The following DLGAP1 variants were observed in gnomAD, a reference collection of about 807,000 sequenced individuals.
DLGAP1 encodes DLG associated protein 1.
DLGAP1 carries 11 observed loss-of-function variants against 90.8 expected under a neutral mutation model. The ratio of observed to expected loss-of-function variants is 0.12; its 90% confidence interval spans 0.08 to 0.20. DLGAP1 has a LOEUF of 0.20. Ranked by LOEUF, DLGAP1 falls within the 10% of genes least tolerant of loss-of-function variation. DLGAP1 has a pLI of 1.00. For synonymous variants in DLGAP1, 558 were observed against 540.7 expected (o/e 1.03, Z -0.44); for missense variants, 1,050 against 1,333.8 (o/e 0.79, Z 3.31).
At chr18:3,818,664 C>T (rs931451708) in intron 4 of DLGAP1, among the ~76,000 whole-genome samples, 7 of 150,064 alleles carry the variant, frequency 4.7e-5, no homozygotes, top group African/African-American at 1.7e-4. Context: ...TGCAGTGGCA[C>T]GATCTTAGCT....
chr18:4,433,140 T>C (rs187580014), intron 1 of DLGAP1, among the ~76,000 whole-genome samples: 12 of 152,242 alleles, frequency 7.9e-5, no homozygotes, highest in African/African-American at 2.9e-4. Context: ...TATTACGCAG[T>C]CAAAATAATA....
chr18:3,499,446 G>A lies in DLGAP1; in HGVS notation c.2725-52C>T. The stretch of plus-strand genomic sequence containing the variant: ...TTACACAGCTTCTCAGGACAAGCTT[G>A]GGAAAAACTGGGATAGGTCAGTAGT... On this transcript the variant is annotated intron_variant, in intron 12 of 12. Transcript: ENST00000315677. The surrounding 1 kb of genome is among the most constrained non-coding windows in gnomAD (Gnocchi z 6.4). The A allele has an allele frequency of 6.5e-7, 1 of 1,533,950 alleles. No individual in the cohort carries two copies. The highest frequency in any genetic ancestry group is 8.8e-7 in the Non-Finnish European group (1 of 1,135,884).
chr18:4,207,944 G>T (rs2077756571), intron 1 of DLGAP1, among the ~76,000 whole-genome samples: 1 of 152,026 alleles, frequency 6.6e-6, no homozygotes, highest in South Asian at 2.1e-4. Context: ...GCATTTTTTT[G>T]AAATAATGAA....
At position 3,549,543 on chromosome 18, in the gene DLGAP1, G is replaced by A. The variant is rs563048640; in HGVS notation, c.2058-14928C>T. ...AGACAGGGTTTCAGCGTGTTGGTCA[G>A]GCTGATCTCGAAATCCTGACCTCGT... is the stretch of plus-strand genomic sequence containing the variant. On this transcript the variant is annotated intron_variant, in intron 9 of 12. Transcript: ENST00000315677. Among the ~76,000 whole-genome samples the A allele has an allele frequency of 7.2e-4, 110 of 152,252 alleles. 1 individual carries two copies. The Middle Eastern group carries it at 0.01, about 14-fold the overall frequency.
chr18:4,252,753 T>A (rs1173629869), intron 1 of DLGAP1, among the ~76,000 whole-genome samples: 1 of 152,256 alleles, frequency 6.6e-6, no homozygotes, highest in African/African-American at 2.4e-5. Context: ...AAACATTTGC[T>A]GATTATGAGA....
At chr18:3,785,481 C>T (rs2065404747) in intron 5 of DLGAP1, among the ~76,000 whole-genome samples, 1 of 152,130 alleles carries the variant, frequency 6.6e-6, no homozygotes, top group African/African-American at 2.4e-5. Flanking sequence ...TACTCAATAA[C>T]TCAGTGGAGT....
chr18:3,828,456 A>AGCCT (rs1407068313), intron 4 of DLGAP1, among the ~76,000 whole-genome samples: 3 of 152,110 alleles, frequency 2.0e-5, no homozygotes, highest in African/African-American at 4.8e-5. Context: ...CCTGGGCAAC[A>AGCCT]GAGCAAGACC....
intron 2 of DLGAP1, among the ~76,000 whole-genome samples, chr18:4,122,095 A>C (rs1248293537): frequency 2.0e-5 from 3 of 152,178 alleles, no homozygotes; most frequent in Admixed American, 1.3e-4. Context: ...AGGCTAGACA[A>C]GGGCTCTATC....
intron 1 of DLGAP1, among the ~76,000 whole-genome samples, chr18:4,270,502 C>G (rs2079252799): frequency 1.3e-5 from 2 of 152,124 alleles, no homozygotes; most frequent in Admixed American, 6.5e-5. Flanking sequence ...TTAGTGATAA[C>G]ATAATATTTT....
chr18:3,704,910 G>A (rs342488), intron 7 of DLGAP1, among the ~76,000 whole-genome samples: 15,486 of 152,254 alleles, frequency 0.1, 2,432 homozygotes, highest in African/African-American at 0.34. Context: ...CCTTTTGGAT[G>A]TTTTGGATAG....
chr18:4,200,262 G>T (rs1212427233), intron 1 of DLGAP1, among the ~76,000 whole-genome samples: 4 of 151,896 alleles, frequency 2.6e-5, no homozygotes, highest in Non-Finnish European at 5.9e-5. Flanking sequence ...TCTATACTAT[G>T]TACCACTCTT....
At chr18:4,137,207 A>T (rs1448290851) in intron 2 of DLGAP1, among the ~76,000 whole-genome samples, 1 of 152,172 alleles carries the variant, frequency 6.6e-6, no homozygotes. Flanking sequence ...AGTTTCATCC[A>T]TGTACCTACA....
intron 5 of DLGAP1, among the ~76,000 whole-genome samples, chr18:3,761,578 C>CTTTT (rs540575856): frequency 7.4e-6 from 1 of 135,348 alleles, no homozygotes. Flanking sequence ...TTCTTTCTTT[C>CTTTT]TTTTTTTTTT....
In DLGAP1 at chr18:4,076,515, T is replaced by C. The variant is rs553085956; in HGVS notation, c.-158-71314A>G. On this transcript the variant is annotated intron_variant, in intron 2 of 12. Coordinates refer to ENST00000315677, the MANE Select transcript of DLGAP1 (RefSeq NM_004746.4). ...GAGGCAAACTAGCATTTAGGATCAT[T>C]ACTAAAGCCTAGGGTCTAGTGCTTT... Among the ~76,000 whole-genome samples, 21 of 152,336 alleles carry C rather than the reference T, an allele frequency of 1.4e-4. No individual in the cohort carries two copies. The South Asian group carries it at 3.5e-3, about 26-fold the overall frequency.
At chr18:3,940,826 CA>C (rs1364707411) in intron 3 of DLGAP1, among the ~76,000 whole-genome samples, 1 of 152,196 alleles carries the variant, frequency 6.6e-6, no homozygotes, top group Non-Finnish European at 1.5e-5. Context: ...CCTCTCTTTA[CA>C]ACCTTTTAAG....
intron 1 of DLGAP1, among the ~76,000 whole-genome samples, chr18:4,442,501 G>C (rs1181908807): frequency 6.6e-6 from 1 of 152,148 alleles, no homozygotes; most frequent in East Asian, 1.9e-4. Flanking sequence ...TACAGTAACA[G>C]GTATCTATAA....
rs994731868 is a variant in DLGAP1, at chr18:3,711,249, G to A, written c.1591+17886C>T. 6.6e-6 allele frequency among the ~76,000 whole-genome samples: 1 copy of A among 152,206 alleles called. No homozygotes were observed. The highest frequency in any genetic ancestry group is 6.5e-5 in the Admixed American group (1 of 15,286). On this transcript the variant is annotated intron_variant, in intron 7 of 12. Coordinates refer to ENST00000315677, the MANE Select transcript of DLGAP1 (RefSeq NM_004746.4). The surrounding 1 kb of genome is among the most constrained non-coding windows in gnomAD (Gnocchi z 4.0). ...CTGATAAGAACTTGATAACTGGAGA[G>A]AATAAAAGCTACAGCTTGATGCCCC... is the stretch of plus-strand genomic sequence containing the variant.
At chr18:3,927,504 T>C (rs2072418845) in intron 3 of DLGAP1, among the ~76,000 whole-genome samples, 1 of 152,214 alleles carries the variant, frequency 6.6e-6, no homozygotes, top group Admixed American at 6.5e-5. Context: ...ATCATAAAGG[T>C]GCCATCATGA....
At chr18:4,353,747 T>C (rs539425708) in intron 1 of DLGAP1, among the ~76,000 whole-genome samples, 4 of 151,376 alleles carry the variant, frequency 2.6e-5, no homozygotes, top group Non-Finnish European at 5.9e-5. Context: ...TTAATATATG[T>C]TTAAATATAT....
Sources: allele counts gnomAD v4.1 joint callset (sites outside exome capture counted in the v4.1 genomes callset), GRCh38; gene constraint gnomAD v4.1.1; non-coding constraint Gnocchi (gnomAD v3.1); transcripts MANE v1.5; gene names NCBI Gene and HGNC (gene_info 2026-07-23, HGNC 2026-07-21).